Variants in SUMF1 observed in about 807,000 individuals in gnomAD.
SUMF1 encodes sulfatase modifying factor 1, also known as formylglycine-generating enzyme.
Under a neutral mutation model 47.6 loss-of-function variants are expected in SUMF1, and 48 were observed. That is an observed-to-expected ratio of 1.01 (90% CI 0.80 to 1.28). The LOEUF is 1.28. SUMF1 is among the 50% of genes most tolerant of loss of function. The pLI is 0.00. For missense variants in SUMF1, 571 were observed against 485.4 expected (o/e 1.18, Z -1.66); for synonymous variants, 230 against 192.1 (o/e 1.20, Z -1.63).
intron 8 of SUMF1, among the ~76,000 whole-genome samples, chr3:4,197,017 G>T (rs1022073997): frequency 6.6e-6 from 1 of 152,166 alleles, no homozygotes; most frequent in South Asian, 2.1e-4. Context: ...GATACACATG[G>T]ACACTCCTAG....
At chr3:4,071,235 C>G (rs1559445228) in intron 8 of SUMF1, among the ~76,000 whole-genome samples, 1 of 152,070 alleles carries the variant, frequency 6.6e-6, no homozygotes, top group East Asian at 1.9e-4. Context: ...GAGATCGACA[C>G]AGAAGACAGG....
intron 9 of SUMF1, among the ~76,000 whole-genome samples, chr3:4,044,821 G>C (rs951985240): frequency 6.6e-6 from 1 of 152,138 alleles, no homozygotes; most frequent in African/African-American, 2.4e-5. Flanking sequence ...TCACTATTCT[G>C]TTTGGAATAT....
intron 7 of SUMF1, among the ~76,000 whole-genome samples, chr3:4,392,563 A>T (rs969788295): frequency 2.0e-5 from 3 of 150,326 alleles, no homozygotes; most frequent in Non-Finnish European, 4.4e-5. Context: ...AATCTTAAAT[A>T]ATCTTAAATG....
chr3:4,288,453 G>C (rs936970603), intron 8 of SUMF1, among the ~76,000 whole-genome samples: 15 of 151,852 alleles, frequency 9.9e-5, no homozygotes, highest in African/African-American at 3.4e-4. Flanking sequence ...CCCTGAAACA[G>C]CTCTTCCCGT....
At chr3:4,173,794 C>A (rs1239511177) in intron 8 of SUMF1, among the ~76,000 whole-genome samples, 1 of 152,058 alleles carries the variant, frequency 6.6e-6, no homozygotes, top group Admixed American at 6.6e-5. Context: ...AAATCAAACA[C>A]CGCATGTCCC....
intron 8 of SUMF1, among the ~76,000 whole-genome samples, chr3:4,211,559 A>C (rs1695795516): frequency 6.6e-6 from 1 of 152,136 alleles, no homozygotes; most frequent in Non-Finnish European, 1.5e-5. Context: ...GAGGTAAGGA[A>C]GATTACTTAA....
chr3:4,359,080 A>G (rs372855726), downstream of SUMF1, among the ~76,000 whole-genome samples: 22 of 152,276 alleles, frequency 1.4e-4, 1 homozygote, highest in East Asian at 2.5e-3. Context: ...GTACAATGTC[A>G]CAGAAAGTGA....
intron 8 of SUMF1, among the ~76,000 whole-genome samples, chr3:4,354,343 T>A (rs1368372542): frequency 6.6e-6 from 1 of 152,214 alleles, no homozygotes; most frequent in African/African-American, 2.4e-5. Flanking sequence ...AACAGGCAGA[T>A]CAACACAGTA....
At chr3:4,307,335 A>T (rs1156921348) in intron 8 of SUMF1, among the ~76,000 whole-genome samples, 2 of 152,214 alleles carry the variant, frequency 1.3e-5, no homozygotes, top group Non-Finnish European at 2.9e-5. Context: ...TCCTATGGAT[A>T]GGAACCCCAC....
chr3:4,339,218 G>A (rs553594830), intron 8 of SUMF1, among the ~76,000 whole-genome samples: 8 of 152,086 alleles, frequency 5.3e-5, no homozygotes, highest in East Asian at 1.9e-4. Context: ...CAATCCTTCC[G>A]CCCCTCCCTT....
In SUMF1 at chr3:4,392,468, G is replaced by C. The variant is rs1333500559; in HGVS notation, c.955-16079C>G. ...TCTTTAGTATGGGTCACACTTTCTT[G>C]TTAGTCTGCATGTTTATTACATTTT... is the stretch of plus-strand genomic sequence containing the variant. On this transcript the variant is annotated intron_variant, in intron 7 of 8. Transcript: ENST00000272902. Among the ~76,000 whole-genome samples, 6 of 151,464 alleles carry C rather than the reference G, an allele frequency of 4.0e-5. No individual in the cohort carries two copies. The South Asian group carries it at 8.3e-4, about 21-fold the overall frequency.
At chr3:4,466,174 A>C (rs973899127) in intron 1 of SUMF1, among the ~76,000 whole-genome samples, 4 of 146,868 alleles carry the variant, frequency 2.7e-5, no homozygotes, top group Admixed American at 2.0e-4. Flanking sequence ...TGCAGTGGCA[A>C]GATCTCGGCT....
At chr3:4,264,965 C>A (rs1368198165) in intron 8 of SUMF1, among the ~76,000 whole-genome samples, 2 of 151,922 alleles carry the variant, frequency 1.3e-5, no homozygotes, top group Non-Finnish European at 2.9e-5. Context: ...GAGACCCTAT[C>A]TCTACTAAAA....
At chr3:4,134,996 T>G (rs533108897) in intron 8 of SUMF1, among the ~76,000 whole-genome samples, 2 of 151,894 alleles carry the variant, frequency 1.3e-5, no homozygotes, top group Non-Finnish European at 2.9e-5. Flanking sequence ...TACCAACCAA[T>G]AAAAGTCCAG....
intron 8 of SUMF1, among the ~76,000 whole-genome samples, chr3:4,145,911 C>T (rs1470858834): frequency 2.0e-5 from 3 of 152,092 alleles, no homozygotes; most frequent in Non-Finnish European, 4.4e-5. Flanking sequence ...AGAACCTCAG[C>T]GATTCCAATT....
At chr3:4,457,513 C>G (rs908498938) in intron 1 of SUMF1, among the ~76,000 whole-genome samples, 1 of 152,036 alleles carries the variant, frequency 6.6e-6, no homozygotes, top group African/African-American at 2.4e-5. Context: ...CAAACCTAAT[C>G]AAATGGCATG....
chr3:4,076,491 A>G (rs1339239064), intron 8 of SUMF1, among the ~76,000 whole-genome samples: 1 of 152,144 alleles, frequency 6.6e-6, no homozygotes, highest in Admixed American at 6.5e-5. Flanking sequence ...AAAATAGACA[A>G]GTTGGATCTA....
intron 8 of SUMF1, chr3:4,303,613 A>G: frequency 7.3e-7 from 1 of 1,377,490 alleles, no homozygotes; most frequent in Non-Finnish European, 9.4e-7. Context: ...ACGGCCTCCC[A>G]GTCGCGACCT....
chr3:4,303,641 CGCACCCGTTGGTGCGCGGGAATA>C, intron 8 of SUMF1: 6 of 1,425,240 alleles, frequency 4.2e-6, no homozygotes, highest in Non-Finnish European at 5.5e-6. Context: ...TCTCTTACAG[CGCACCCGTTGGTGCGCGGGAATA>C]GGTGTGCATG....
Sources: allele counts gnomAD v4.1 joint callset (sites outside exome capture counted in the v4.1 genomes callset), GRCh38; gene constraint gnomAD v4.1.1; transcripts MANE v1.5; gene names NCBI Gene and HGNC (gene_info 2026-07-23, HGNC 2026-07-21).